CCDC38: variants seen among roughly 807,000 people sequenced by gnomAD.
The protein encoded by CCDC38 is coiled-coil domain containing 38.
In CCDC38, 69 loss-of-function variants were observed where a neutral mutation model predicts 72.8. The ratio of observed to expected loss-of-function variants is 0.95; its 90% CI spans 0.78 to 1.16. The LOEUF (loss-of-function observed/expected upper bound fraction) is 1.16, where lower values mean the gene tolerates loss of function less well. Among genes scored for constraint, CCDC38 ranks in the 50% most tolerant of loss-of-function variants. The pLI, the probability that CCDC38 is intolerant of heterozygous loss-of-function variation, is 0.00. For synonymous variants in CCDC38, 201 were observed against 213.2 expected (o/e 0.94, Z 0.50); for missense variants, 626 against 638.9 (o/e 0.98, Z 0.22).
Position 95,879,738 on chromosome 12 carries a change from C to G in CCDC38, c.1048G>C (p.Glu350Gln). 1 of 1,612,290 alleles carries G rather than the reference C, an allele frequency of 6.2e-7. No homozygotes were observed. The highest frequency in any genetic ancestry group is 1.1e-5 in the South Asian group (1 of 90,936). The change falls in exon 12 of 16, where the codon GAA (glutamate) becomes CAA (glutamine). Residue 350 changes from glutamate (E) to glutamine (Q), a missense_variant. Transcript: ENST00000344280. The surrounding 1 kb of genome is among the most constrained non-coding windows in gnomAD (Gnocchi z 5.5). ...EELLQVLREL[E>Q]EQNLTLFQYS... The stretch of plus-strand genomic sequence containing the variant: ...TGAAACAAAGTAAGATTCTGCTCTT[C>G]CAGCTCTCTGAGGACTTGAAGTAAC...
intron 2 of CCDC38, 42 bp downstream of exon 2, chr12:95,936,431 T>A (rs1157032482): frequency 2.5e-6 from 4 of 1,595,358 alleles, no homozygotes; most frequent in Non-Finnish European, 3.4e-6. Context: ...AGCCTAACAC[T>A]GCCAGGCCCA....
chr12:95,879,600 G>T lies in CCDC38; in HGVS notation c.1142+44C>A. ...GTGAGTTGGACCCAGGCTCTGGTTAGAAATTGCTTAATGGAATAAATCTAC... is the reference window on the plus strand; with the variant it reads ...GTGAGTTGGACCCAGGCTCTGGTTATAAATTGCTTAATGGAATAAATCTAC... On this transcript the variant is annotated intron_variant, in intron 12 of 15. Coordinates refer to ENST00000344280, the MANE Select transcript of CCDC38 (RefSeq NM_182496.3). The surrounding 1 kb of genome is among the most constrained non-coding windows in gnomAD (Gnocchi z 5.5). The T allele has an allele frequency of 7.1e-7, 1 of 1,418,210 alleles. No homozygotes were observed. Among genetic ancestry groups the T allele is most frequent in the Non-Finnish European group, 9.7e-7 (1 of 1,028,868 alleles). 87.9% of individuals were successfully genotyped at this position (1,418,210 alleles called of 1,614,324 possible). A position where few individuals can be genotyped will look rare whatever the true frequency, so the allele number is the denominator to read the frequency against.
chr12:95,871,592 T>C (rs981213696), intron 14 of CCDC38, among the ~76,000 whole-genome samples: 1 of 152,094 alleles, frequency 6.6e-6, no homozygotes, highest in African/African-American at 2.4e-5. Context: ...CAGATCTCCT[T>C]TGAAGGGCAC....
chr12:95,919,325 C>G, intron 2 of CCDC38: 1 of 358,808 alleles, frequency 2.8e-6, no homozygotes, highest in East Asian at 7.2e-5. Context: ...TATTTGAACA[C>G]AGTTTGAGCA....
intron 2 of CCDC38, among the ~76,000 whole-genome samples, chr12:95,923,903 T>C (rs1168956216): frequency 4.2e-5 from 6 of 142,626 alleles, no homozygotes; most frequent in Non-Finnish European, 9.1e-5. Context: ...TAGTATTCCA[T>C]GGTGTATATG....
At chr12:95,941,607 C>T (rs2080451710) in intron 1 of CCDC38, among the ~76,000 whole-genome samples, 1 of 152,158 alleles carries the variant, frequency 6.6e-6, no homozygotes, top group South Asian at 2.1e-4. Flanking sequence ...TTGCATAGTT[C>T]TGCAAATATG....
intron 8 of CCDC38, among the ~76,000 whole-genome samples, chr12:95,893,008 A>G: frequency 6.6e-6 from 1 of 152,100 alleles, no homozygotes; most frequent in East Asian, 1.9e-4. Flanking sequence ...TCCTCCCATT[A>G]CCTTCCGAAT....
chr12:95,927,050 T>C (rs1319667734), intron 2 of CCDC38, among the ~76,000 whole-genome samples: 1 of 152,140 alleles, frequency 6.6e-6, no homozygotes, highest in Non-Finnish European at 1.5e-5. Context: ...TGTAGATGTC[T>C]ATTAGGTCTG....
At chr12:95,922,067 C>A (rs1233249432) in intron 2 of CCDC38, among the ~76,000 whole-genome samples, 1 of 152,270 alleles carries the variant, frequency 6.6e-6, no homozygotes, top group East Asian at 1.9e-4. Context: ...TTAAAGTCTA[C>A]CTGAGAAGCA....
intron 2 of CCDC38, among the ~76,000 whole-genome samples, chr12:95,920,811 T>C (rs1270045923): frequency 6.6e-6 from 1 of 151,776 alleles, no homozygotes; most frequent in Non-Finnish European, 1.5e-5. Context: ...CTACACTAAA[T>C]AAAAAATGAA....
chr12:95,907,076 C>T (rs1659622707), intron 4 of CCDC38, among the ~76,000 whole-genome samples: 1 of 151,616 alleles, frequency 6.6e-6, no homozygotes, highest in South Asian at 2.1e-4. Context: ...ACATCTTGCA[C>T]CGTCCTTAAT....
intron 11 of CCDC38, 63 bp downstream of exon 11, chr12:95,881,422 T>C: frequency 8.4e-7 from 1 of 1,194,754 alleles, no homozygotes; most frequent in Non-Finnish European, 1.2e-6. Flanking sequence ...TTCAAAAGAA[T>C]AAATGATCAT....
intron 4 of CCDC38, among the ~76,000 whole-genome samples, chr12:95,907,630 C>T (rs2080024203): frequency 8.3e-6 from 1 of 120,182 alleles, no homozygotes; most frequent in Non-Finnish European, 1.9e-5. Flanking sequence ...CGGAGACGCT[C>T]CTCACTTCCC....
At chr12:95,900,047 T>C (rs951558926) in intron 5 of CCDC38, among the ~76,000 whole-genome samples, 1 of 152,188 alleles carries the variant, frequency 6.6e-6, no homozygotes, top group Non-Finnish European at 1.5e-5. Context: ...ATGTTCCTCC[T>C]ATTAGGTTGG....
At chr12:95,898,542 G>A in intron 6 of CCDC38, 26 bp downstream of exon 6, 3 of 1,614,074 alleles carry the variant, frequency 1.9e-6, no homozygotes, top group Non-Finnish European at 2.5e-6. Context: ...AGGTGGGAAG[G>A]ATTTGGCCAG....
chr12:95,927,545 G>A (rs953279872), intron 2 of CCDC38, among the ~76,000 whole-genome samples: 12 of 151,854 alleles, frequency 7.9e-5, no homozygotes, highest in African/African-American at 2.7e-4. Flanking sequence ...TACATTTGAG[G>A]TTGATATTGT....
chr12:95,893,100 T>C (rs1443014510), intron 8 of CCDC38, among the ~76,000 whole-genome samples: 2 of 152,234 alleles, frequency 1.3e-5, no homozygotes, highest in African/African-American at 4.8e-5. Flanking sequence ...AATTCTCTGA[T>C]ACATTTTTGG....
chr12:95,900,546 G>T (rs552615353), intron 5 of CCDC38, among the ~76,000 whole-genome samples: 18 of 152,270 alleles, frequency 1.2e-4, no homozygotes, highest in Non-Finnish European at 2.5e-4. Flanking sequence ...GTAAAGCTGG[G>T]TGCACAAATT....
chr12:95,900,430 C>G (rs1472807980), intron 5 of CCDC38, among the ~76,000 whole-genome samples: 1 of 152,104 alleles, frequency 6.6e-6, no homozygotes, highest in Non-Finnish European at 1.5e-5. Context: ...AGTTGAGTCT[C>G]CAAACAATAT....
Sources: allele counts gnomAD v4.1 joint callset (sites outside exome capture counted in the v4.1 genomes callset), GRCh38; gene constraint gnomAD v4.1.1; non-coding constraint Gnocchi (gnomAD v3.1); transcripts MANE v1.5; gene names NCBI Gene and HGNC (gene_info 2026-07-23, HGNC 2026-07-21).